Variants in ANGPTL1 observed in about 807,000 individuals in gnomAD.
ANGPTL1 encodes the protein angiopoietin-related protein 1.
In ANGPTL1, 36 loss-of-function variants were observed where a neutral mutation model predicts 46.7. The observed-to-expected ratio is 0.77, with a 90% CI of 0.59 to 1.02. The LOEUF (loss-of-function observed/expected upper bound fraction) is 1.02. ANGPTL1 is among the 50% of genes least tolerant of loss of function. The probability of loss-of-function intolerance (pLI) is 0.00; values close to 1 mark genes in which losing one functional copy is unlikely to be tolerated. For synonymous variants in ANGPTL1, 221 were observed against 204.3 expected, an observed-to-expected ratio of 1.08 and a Z score of -0.69; for missense variants, 571 against 594.7, an observed-to-expected ratio of 0.96 and a Z score of 0.41.
At position 178,858,894 on chromosome 1, in the gene ANGPTL1, C is replaced by A. The variant is rs144932839; in HGVS notation, c.824-5107G>T. On this transcript the variant is annotated intron_variant, in intron 3 of 5. Coordinates refer to ENST00000234816, the MANE Select transcript of ANGPTL1 (RefSeq NM_004673.4). Reference sequence around the variant, plus strand: ...AGAATTACAGATTACAAAGAGAATCCTTTTTATGACAGGAGAAACAGTAAA... The same window carrying A: ...AGAATTACAGATTACAAAGAGAATCATTTTTATGACAGGAGAAACAGTAAA... 1.2e-3 allele frequency among the ~76,000 whole-genome samples: 176 copies of A among 152,142 alleles called. 1 individual carries two copies. The highest frequency in any genetic ancestry group is 6.8e-3 in the East Asian group (35 of 5,182).
chr1:178,857,830 C>A (rs1186403190), intron 3 of ANGPTL1, among the ~76,000 whole-genome samples: 5 of 152,104 alleles, frequency 3.3e-5, no homozygotes, highest in African/African-American at 7.2e-5. Flanking sequence ...CATCAGTGTT[C>A]TGAATGTTGA....
intron 2 of ANGPTL1, among the ~76,000 whole-genome samples, chr1:178,868,246 A>G (rs542127272): frequency 2.0e-5 from 3 of 151,952 alleles, no homozygotes; most frequent in Non-Finnish European, 4.4e-5. Flanking sequence ...TAAAACATTT[A>G]TTATATCTCC....
chr1:178,865,602 T>C lies in ANGPTL1; in HGVS notation c.175A>G (p.Arg59Gly). ...TTGACACAGATTGGCCCTGTTATTC[T>C]TTGTTCAGGTACCAGGAATGTGTAT... is the stretch of plus-strand genomic sequence containing the variant. ...CAYTFLVPEQ[R>G]ITGPICVNTK... Residue 59 changes from arginine to glycine, a missense_variant, in exon 3 of 6, where the codon AGA becomes GGA. Coordinates refer to ENST00000234816, the MANE Select transcript of ANGPTL1 (RefSeq NM_004673.4). The C allele has an allele frequency of 6.2e-7, 1 of 1,614,056 alleles. No individual in the cohort carries two copies. The highest frequency in any genetic ancestry group is 1.6e-4 in the Middle Eastern group (1 of 6,062).
At chr1:178,860,848 T>C (rs140959548) in intron 3 of ANGPTL1, among the ~76,000 whole-genome samples, 2 of 152,312 alleles carry the variant, frequency 1.3e-5, no homozygotes, top group African/African-American at 4.8e-5. Context: ...AGTACACCAG[T>C]AGCCATCCAT....
chr1:178,861,248 A>G (rs1348580798), intron 3 of ANGPTL1, among the ~76,000 whole-genome samples: 3 of 152,234 alleles, frequency 2.0e-5, no homozygotes, highest in African/African-American at 2.4e-5. Flanking sequence ...ATCCACATTT[A>G]TAGAATAAAA....
At chr1:178,853,980 T>C (rs191781239) in intron 3 of ANGPTL1, among the ~76,000 whole-genome samples, 193 bp from the exon 4 acceptor site, 1 of 152,208 alleles carries the variant, frequency 6.6e-6, no homozygotes, top group East Asian at 1.9e-4. Context: ...TGTTTCGTTT[T>C]CATCTGTTCT....
chr1:178,850,991 T>C lies in ANGPTL1; in HGVS notation c.*138A>G. ...GAAACTACATTTATAGGTTCCCTTTTATAGTTACGGTAAAATTCATTTTAA... is the reference window on the plus strand; with the variant it reads ...GAAACTACATTTATAGGTTCCCTTTCATAGTTACGGTAAAATTCATTTTAA... On this transcript the variant is annotated 3_prime_UTR_variant, in exon 6 of 6. Transcript: ENST00000234816. 1 of 775,514 alleles carries C rather than the reference T, an allele frequency of 1.3e-6. No homozygotes were observed. Among genetic ancestry groups the C allele is most frequent in the Non-Finnish European group, 1.9e-6 (1 of 533,998 alleles). 48.0% of individuals were successfully genotyped at this position (775,514 alleles called of 1,614,324 possible). A position where few individuals can be genotyped will look rare whatever the true frequency, so the allele number is the denominator to read the frequency against.
At chr1:178,862,277 G>A (rs757227633) in intron 3 of ANGPTL1, among the ~76,000 whole-genome samples, 16 of 152,042 alleles carry the variant, frequency 1.1e-4, no homozygotes, top group Non-Finnish European at 2.2e-4. Context: ...ATGATATAAC[G>A]TATTAAATTA....
At chr1:178,859,651 A>C (rs1657829501) in intron 3 of ANGPTL1, among the ~76,000 whole-genome samples, 2 of 149,946 alleles carry the variant, frequency 1.3e-5, no homozygotes, top group South Asian at 4.2e-4. Flanking sequence ...CAAAATATGC[A>C]ATGATTAATG....
rs1291103782 is a variant in ANGPTL1 at position 178,850,677 on chromosome 1, C to T, written c.*452G>A. 6.6e-6 allele frequency: 1 copy of T among 152,308 alleles called. No homozygotes were observed. Among genetic ancestry groups the T allele is most frequent in the Non-Finnish European group, 1.5e-5 (1 of 68,156 alleles). The allele number at this position is 152,308 out of a possible 1,614,324, so 9.4% of individuals were successfully genotyped here. On this transcript the variant is annotated 3_prime_UTR_variant, in exon 6 of 6. Coordinates refer to ENST00000234816, the MANE Select transcript of ANGPTL1 (RefSeq NM_004673.4). ...GAAGAAGCATTTTCTATTGGCAAAA[C>T]TAGAGGTTTCTCCCTAATTTTCTGT...
intron 2 of ANGPTL1, 56 bp from the exon 3 acceptor site, chr1:178,865,858 A>T (rs187765811): frequency 1.9e-6 from 2 of 1,075,742 alleles, no homozygotes; most frequent in African/African-American, 3.2e-5. Context: ...ATATTAATCT[A>T]TGTTAAAGTC....
intron 3 of ANGPTL1, among the ~76,000 whole-genome samples, chr1:178,855,161 A>G (rs1657444027): frequency 6.6e-6 from 1 of 152,070 alleles, no homozygotes; most frequent in Middle Eastern, 3.2e-3. Context: ...ATACTTTGCC[A>G]GATATGTACA....
At chr1:178,856,394 ATTTTTTTTT>A (rs71108081) in intron 3 of ANGPTL1, among the ~76,000 whole-genome samples, 6 of 36,430 alleles carry the variant, frequency 1.6e-4, no homozygotes, top group Admixed American at 6.3e-4. Context: ...TGCCTGGCTA[ATTTTTTTTT>A]TTTTTTTTTT....
At chr1:178,851,755 T>C (rs1354730040) in intron 5 of ANGPTL1, among the ~76,000 whole-genome samples, 1 of 152,092 alleles carries the variant, frequency 6.6e-6, no homozygotes, top group African/African-American at 2.4e-5. Context: ...ATAAGACATA[T>C]GTTATGGTCT....
chr1:178,865,648 T>C lies in ANGPTL1; in HGVS notation c.129A>G (p.Lys43=). ...QRRYPRATDG[K]EEAKKCAYTF... ...TGTATGCACATTTCTTTGCTTCCTC[T>C]TTACCATCTGTGGCACGAGGGTATC... Residue 43 remains lysine, a synonymous_variant, in exon 3 of 6, where the codon AAA becomes AAG. Coordinates refer to ENST00000234816, the MANE Select transcript of ANGPTL1 (RefSeq NM_004673.4). 1 of 1,614,072 alleles carries C rather than the reference T, an allele frequency of 6.2e-7. No individual in the cohort carries two copies. Among genetic ancestry groups the C allele is most frequent in the Non-Finnish European group, 8.5e-7 (1 of 1,179,956 alleles).
At chr1:178,856,198 GAGAGATATATATAT>G (rs1353366627) in intron 3 of ANGPTL1, among the ~76,000 whole-genome samples, 6 of 47,268 alleles carry the variant, frequency 1.3e-4, no homozygotes, top group African/African-American at 3.1e-4. Flanking sequence ...TCCAGAGAGA[GAGAGATATATATAT>G]ATATATATAT....
In ANGPTL1 at chr1:178,852,735, C is replaced by A; in HGVS notation, c.1236G>T (p.Trp412Cys). The A allele has an allele frequency of 6.2e-7, 1 of 1,613,740 alleles. No homozygotes were observed. Among genetic ancestry groups the A allele is most frequent in the Non-Finnish European group, 8.5e-7 (1 of 1,179,726 alleles). The part of the protein sequence containing the change: ...YQGNAGDSMM[W>C]HNGKQFTTLD... Reference sequence around the variant, plus strand: ...GTGTGGTGAATTGTTTACCATTATGCCACATCATAGAATCCCCTGCATTTC... The same window carrying A: ...GTGTGGTGAATTGTTTACCATTATGACACATCATAGAATCCCCTGCATTTC... The change falls in exon 5 of 6, where the codon TGG becomes TGT. Residue 412 changes from tryptophan to cysteine, a missense_variant. Trp to Cys is a radical substitution (Grantham distance 215). Transcript: ENST00000234816.
At chr1:178,866,396 C>G (rs1010174316) in intron 2 of ANGPTL1, among the ~76,000 whole-genome samples, 12 of 152,088 alleles carry the variant, frequency 7.9e-5, no homozygotes, top group Admixed American at 5.2e-4. Context: ...GTTTTAGCAT[C>G]ACATGCTTTT....
intron 3 of ANGPTL1, among the ~76,000 whole-genome samples, chr1:178,855,678 A>C (rs1176275623): frequency 1.3e-5 from 2 of 151,822 alleles, no homozygotes; most frequent in Non-Finnish European, 2.9e-5. Flanking sequence ...CATTCGTTAT[A>C]AACATATTTT....
Sources: gnomAD v4.1 joint callset for allele counts (sites outside exome capture counted in the v4.1 genomes callset) on GRCh38, gnomAD v4.1.1 for gene constraint, MANE v1.5 for transcripts, NCBI Gene and HGNC (gene_info 2026-07-23, HGNC 2026-07-21) for gene names.